Variants in COL28A1 observed in about 807,000 individuals in gnomAD.
COL28A1 encodes the protein collagen alpha-1(XXVIII) chain.
A neutral mutation model predicts 150.2 loss-of-function variants in COL28A1; 161 were observed. That is an observed-to-expected ratio of 1.07 (90% CI 0.94 to 1.22). COL28A1 has a LOEUF of 1.22. Among genes scored for constraint, COL28A1 ranks in the 50% most tolerant of loss-of-function variants. The pLI, the probability that COL28A1 is intolerant of heterozygous loss-of-function variation, is 0.00. For synonymous variants in COL28A1, 552 were observed against 469.7 expected (o/e 1.18, Z -2.26); for missense variants, 1,617 against 1,388.3 (o/e 1.16, Z -2.62).
intron 27 of COL28A1, among the ~76,000 whole-genome samples, chr7:7,390,393 C>A (rs1331310441): frequency 6.6e-6 from 1 of 152,106 alleles, no homozygotes; most frequent in East Asian, 1.9e-4. Context: ...ATTCAGTTTG[C>A]CAGTATTTTA....
At chr7:7,500,710 T>C (rs183902270) in intron 11 of COL28A1, among the ~76,000 whole-genome samples, 8 of 151,488 alleles carry the variant, frequency 5.3e-5, no homozygotes, top group African/African-American at 1.7e-4. Flanking sequence ...ACGTTTAGCA[T>C]GCTTACAGTT....
In COL28A1 at chr7:7,444,410, G is replaced by T; in HGVS notation, c.1581+8C>A. On this transcript the variant is annotated splice_region_variant and intron_variant, in intron 19 of 34. Transcript: ENST00000399429. ...CCTACTCCAGTAATACGAAAAACTTGGTGTTACCTTCTTCCCTGCAGCTCC... is the reference window on the plus strand; with the variant it reads ...CCTACTCCAGTAATACGAAAAACTTTGTGTTACCTTCTTCCCTGCAGCTCC... 6.2e-7 allele frequency: 1 copy of T among 1,613,416 alleles called. No individual in the cohort carries two copies. Among genetic ancestry groups the T allele is most frequent in the Non-Finnish European group, 8.5e-7 (1 of 1,179,714 alleles).
Position 7,440,825 on chromosome 7 carries a change from C to A in COL28A1, c.1687G>T (p.Gly563Ter). The A allele has an allele frequency of 6.4e-7, 1 of 1,551,242 alleles. No individual in the cohort carries two copies. The highest frequency in any genetic ancestry group is 8.9e-7 in the Non-Finnish European group (1 of 1,123,834). The part of the protein sequence containing the change: ...EGKKGSKGNQ[G>*]QRGLPGPEGP... ...TCGGGCCCTGGAAGTCCCCTCTGTC[C>A]TTGATTTCCTTTGCTCCCTTTCTTG... is the stretch of plus-strand genomic sequence containing the variant. The change falls in exon 21 of 35, where the codon GGA becomes TGA. Residue 563 changes from glycine (G) to a stop codon, truncating the protein, a stop_gained. Coordinates refer to ENST00000399429, the MANE Select transcript of COL28A1 (RefSeq NM_001037763.3). LOFTEE classifies it high-confidence loss of function.
intron 11 of COL28A1, among the ~76,000 whole-genome samples, chr7:7,493,703 G>C (rs1206536451): frequency 1.3e-5 from 2 of 152,008 alleles, no homozygotes; most frequent in African/African-American, 4.8e-5. Flanking sequence ...TCCTGAGGTA[G>C]TAAAGAAAGT....
chr7:7,537,083 A>G (rs1782670412), upstream of COL28A1, among the ~76,000 whole-genome samples: 1 of 152,232 alleles, frequency 6.6e-6, no homozygotes, highest in Non-Finnish European at 1.5e-5. Context: ...ATTGAAATAA[A>G]TCTAAGCTAT....
At chr7:7,425,156 C>T (rs1220227586) in intron 25 of COL28A1, among the ~76,000 whole-genome samples, 3 of 152,220 alleles carry the variant, frequency 2.0e-5, no homozygotes, top group African/African-American at 4.8e-5. Context: ...ATCTTATCAA[C>T]ATCAACTTAT....
intron 11 of COL28A1, among the ~76,000 whole-genome samples, chr7:7,500,523 G>A (rs1038811915): frequency 1.3e-5 from 2 of 152,184 alleles, no homozygotes; most frequent in African/African-American, 4.8e-5. Context: ...GACTAGGAAT[G>A]ATTAACGGTA....
At chr7:7,342,503 T>C in the COL28A1 span, among the ~76,000 whole-genome samples, 3 of 151,536 alleles carry the variant, frequency 2.0e-5, no homozygotes, top group South Asian at 6.2e-4. Flanking sequence ...AGGACTAACA[T>C]TTTGTTTTGC....
rs146315359 is a variant in COL28A1, at chr7:7,443,671, G to A, written c.1582-18C>T. 2.8e-4 allele frequency: 446 copies of A among 1,613,858 alleles called. 2 individuals are homozygous for A. In the African/African-American group the frequency reaches 5.1e-3, roughly 18 times the overall value. ...GCTTCTCCCTAGAGAAAATGACACTGATGTGTTAGCTGACCCTCCAGTAGA... is the reference window on the plus strand; with the variant it reads ...GCTTCTCCCTAGAGAAAATGACACTAATGTGTTAGCTGACCCTCCAGTAGA... On this transcript the variant is annotated intron_variant, in intron 19 of 34. Transcript: ENST00000399429.
Position 7,381,831 on chromosome 7 carries a change from GGAGT to G in COL28A1, c.2137-223_2137-220del, listed in dbSNP as rs534435778. 1.5e-3 allele frequency among the ~76,000 whole-genome samples: 235 copies of G among 152,244 alleles called. 2 individuals carry two copies. The highest frequency in any genetic ancestry group is 5.2e-3 in the African/African-American group (215 of 41,520). ...GTGTTTAACAACTAAGACTAGGATAGGAGTGAGGGCTCTGATTTATGCCATTTGC... is the reference window on the plus strand; with the variant it reads ...GTGTTTAACAACTAAGACTAGGATAGGAGGGCTCTGATTTATGCCATTTGC... On this transcript the variant is annotated intron_variant, in intron 27 of 34. Transcript: ENST00000399429.
At chr7:7,391,749 A>T (rs1347031397) in intron 27 of COL28A1, among the ~76,000 whole-genome samples, 3 of 141,760 alleles carry the variant, frequency 2.1e-5, no homozygotes, top group African/African-American at 7.9e-5. Flanking sequence ...GTCTTTTTTG[A>T]TCTTTGTTGA....
chr7:7,450,635 C>T (rs979533498), intron 18 of COL28A1, among the ~76,000 whole-genome samples: 1 of 152,140 alleles, frequency 6.6e-6, no homozygotes, highest in Non-Finnish European at 1.5e-5. Context: ...TGAAGACTCG[C>T]ACGCTCTATG....
intron 25 of COL28A1, among the ~76,000 whole-genome samples, chr7:7,427,668 G>A (rs910380695): frequency 6.6e-6 from 1 of 152,120 alleles, no homozygotes; most frequent in African/African-American, 2.4e-5. Flanking sequence ...GCATTTTATG[G>A]CTATGGGTCA....
chr7:7,365,095 C>T (rs1222327417), intron 33 of COL28A1, among the ~76,000 whole-genome samples: 1 of 152,124 alleles, frequency 6.6e-6, no homozygotes, highest in Non-Finnish European at 1.5e-5. Flanking sequence ...AGAATACACA[C>T]CCAATTCACG....
At chr7:7,427,182 C>T (rs1228000644) in intron 25 of COL28A1, among the ~76,000 whole-genome samples, 1 of 152,180 alleles carries the variant, frequency 6.6e-6, no homozygotes, top group Non-Finnish European at 1.5e-5. Context: ...AGAGATCAGG[C>T]ATATAACTGC....
chr7:7,342,832 ATTTG>A, the COL28A1 span, among the ~76,000 whole-genome samples: 5 of 152,024 alleles, frequency 3.3e-5, no homozygotes, highest in South Asian at 4.2e-4. Context: ...ATATTTATCA[ATTTG>A]TTTGTCCCTT....
chr7:7,527,483 T>C (rs1418407564), intron 3 of COL28A1, among the ~76,000 whole-genome samples: 2 of 152,162 alleles, frequency 1.3e-5, no homozygotes, highest in African/African-American at 4.8e-5. Flanking sequence ...GAAGTAGTTA[T>C]GAGGAACATT....
intron 25 of COL28A1, among the ~76,000 whole-genome samples, chr7:7,421,535 C>T (rs1241190648): frequency 6.6e-6 from 1 of 152,086 alleles, no homozygotes; most frequent in Non-Finnish European, 1.5e-5. Context: ...GACCTTTAGC[C>T]TTAGGTCCTG....
intron 26 of COL28A1, among the ~76,000 whole-genome samples, chr7:7,418,297 A>G (rs969754013): frequency 6.6e-6 from 1 of 152,244 alleles, no homozygotes; most frequent in African/African-American, 2.4e-5. Context: ...GGCTCCACAT[A>G]GCCTTAAGAT....
Sources: gnomAD v4.1 joint callset for allele counts (sites outside exome capture counted in the v4.1 genomes callset) on GRCh38, gnomAD v4.1.1 for gene constraint, MANE v1.5 for transcripts, NCBI Gene and HGNC (gene_info 2026-07-23, HGNC 2026-07-21) for gene names.